CCZ1: variants seen among roughly 807,000 people sequenced by gnomAD.
The protein encoded by CCZ1 is vacuolar fusion protein CCZ1 homolog.
Under a neutral mutation model 57.8 loss-of-function variants are expected in CCZ1, and 19 were observed. The ratio of observed to expected loss-of-function variants is 0.33; its 90% CI spans 0.23 to 0.48. The LOEUF is 0.48. Ranked by LOEUF, CCZ1 falls within the 20% of genes least tolerant of loss-of-function variation. The pLI is 0.99. For missense variants in CCZ1, 200 were observed against 492.0 expected, an observed-to-expected ratio of 0.41 and a Z score of 5.61; for synonymous variants, 81 against 167.0, an observed-to-expected ratio of 0.49 and a Z score of 3.97.
intron 8 of CCZ1, 119 bp from the exon 9 acceptor site, chr7:5,911,742 G>A (rs1487966152): frequency 1.7e-6 from 2 of 1,176,086 alleles, no homozygotes; most frequent in African/African-American, 3.1e-5. Context: ...ACAAGATCCT[G>A]TCTCTAAAAG....
At position 5,904,490 on chromosome 7, in the gene CCZ1, A is replaced by G. The variant is rs1015480640; in HGVS notation, c.523-604A>G. On this transcript the variant is annotated intron_variant, in intron 6 of 14. Coordinates refer to ENST00000325974, the MANE Select transcript of CCZ1 (RefSeq NM_015622.6). ...GAGAATCACGGAGGCCAGAAGTTCA[A>G]GACCAGCCTAGGCAACATAGCAAGA... is the stretch of plus-strand genomic sequence containing the variant. Among the ~76,000 whole-genome samples the G allele has an allele frequency of 1.7e-4, 25 of 146,132 alleles. 1 individual carries two copies. Among genetic ancestry groups the G allele is most frequent in the Non-Finnish European group, 3.3e-4 (22 of 67,368 alleles).
At chr7:5,906,888 G>A (rs182305105) in intron 7 of CCZ1, among the ~76,000 whole-genome samples, 2 of 150,346 alleles carry the variant, frequency 1.3e-5, no homozygotes, top group Admixed American at 6.6e-5. Context: ...TTGTTTTTGA[G>A]ATGGAGTCGC....
chr7:5,903,976 A>G lies in CCZ1; in HGVS notation c.523-1118A>G, dbSNP rs1352341914. On this transcript the variant is annotated intron_variant, in intron 6 of 14. Transcript: ENST00000325974. The stretch of plus-strand genomic sequence containing the variant: ...ACCGCTGCACTCCAGCCTGGGTGAC[A>G]GACCAAGACTCCATCTCGGGGGGGG... 9.0e-5 allele frequency among the ~76,000 whole-genome samples: 12 copies of G among 132,762 alleles called. 1 individual carries two copies. In the Admixed American group the frequency reaches 9.6e-4, roughly 11 times the overall value. The allele number at this position is 132,762 out of a possible 152,430, so 87.1% of individuals were successfully genotyped here.
At chr7:5,901,853 T>TA (rs1781692946) in intron 5 of CCZ1, 149 bp downstream of exon 5, 1 of 626,054 alleles carries the variant, frequency 1.6e-6, no homozygotes, top group South Asian at 2.4e-5. Context: ...TTGAAACAGG[T>TA]AGTGAGGTTT....
chr7:5,899,094 G>A (rs1781616089), intron 1 of CCZ1, among the ~76,000 whole-genome samples, 175 bp downstream of exon 1: 1 of 75,996 alleles, frequency 1.3e-5, no homozygotes, highest in Non-Finnish European at 2.7e-5. Context: ...TCAGGTCCTA[G>A]GTCGATGGAA....
chr7:5,915,232 AT>A lies in CCZ1; in HGVS notation c.954+2280del, dbSNP rs1241562502. 4.7e-5 allele frequency among the ~76,000 whole-genome samples: 7 copies of A among 149,750 alleles called. No homozygotes were observed. In the East Asian group the frequency reaches 1.2e-3, roughly 25 times the overall value. Reference sequence around the variant, plus strand: ...GTGACAGACTGGCAGGGAAGGGGAGATTGCAGGAAGAGCATACAGAAAGATG... The same window carrying A: ...GTGACAGACTGGCAGGGAAGGGGAGATGCAGGAAGAGCATACAGAAAGATG... On this transcript the variant is annotated intron_variant, in intron 10 of 14. Transcript: ENST00000325974.
chr7:5,902,555 AT>A (rs1315663629), intron 5 of CCZ1, 105 bp from the exon 6 acceptor site: 1 of 1,402,964 alleles, frequency 7.1e-7, no homozygotes, highest in African/African-American at 1.5e-5. Flanking sequence ...GAACTGGGAG[AT>A]TTAATGAGCT....
rs373315876 is a variant in CCZ1, at chr7:5,902,230, C to T, written c.439-431C>T. On this transcript the variant is annotated intron_variant, in intron 5 of 14. Coordinates refer to ENST00000325974, the MANE Select transcript of CCZ1 (RefSeq NM_015622.6). The stretch of plus-strand genomic sequence containing the variant: ...GGAGGATCGCTCGCGCCTTGGAGGT[C>T]GAGGCTGCAGTGAACTGTGATTGCA... 12 of 181,482 alleles carry T rather than the reference C, an allele frequency of 6.6e-5. No homozygotes were observed. In the South Asian group the frequency reaches 7.7e-4, roughly 12 times the overall value. The allele number at this position is 181,482 out of a possible 1,614,324, so 11.2% of individuals were successfully genotyped here.
chr7:5,909,269 A>G (rs2128612218), intron 7 of CCZ1, among the ~76,000 whole-genome samples: 1 of 149,914 alleles, frequency 6.7e-6, no homozygotes, highest in South Asian at 2.2e-4. Context: ...GTTAAAGAGA[A>G]AAGCACCAGT....
In CCZ1 at chr7:5,923,890, G is replaced by GT. The variant is rs1779299282; in HGVS notation, c.1321_1322insT (p.Gly441ValfsTer5). On this transcript the variant is annotated frameshift_variant, in exon 14 of 15. Coordinates refer to ENST00000325974, the MANE Select transcript of CCZ1 (RefSeq NM_015622.6). LOFTEE classifies it high-confidence loss of function. The stretch of plus-strand genomic sequence containing the variant: ...GGCCATGAGTGATTACTGGGTTGTT[G>GT]GAAAGAAGTCTGATCGGCGGGAGCT... 1 of 1,521,640 alleles carries GT rather than the reference G, an allele frequency of 6.6e-7. No individual in the cohort carries two copies. Among genetic ancestry groups the GT allele is most frequent in the Non-Finnish European group, 9.1e-7 (1 of 1,103,748 alleles). 94.3% of individuals were successfully genotyped at this position (1,521,640 alleles called of 1,614,324 possible). A position where few individuals can be genotyped will look rare whatever the true frequency, so the allele number is the denominator to read the frequency against.
chr7:5,905,378 G>A, intron 7 of CCZ1, 109 bp downstream of exon 7: 1 of 623,142 alleles, frequency 1.6e-6, no homozygotes, highest in Non-Finnish European at 2.7e-6. Context: ...CGGGGAGGAT[G>A]GGTAGGAAGC....
In CCZ1 at chr7:5,900,338, A is replaced by G. The variant is rs1391205060; in HGVS notation, c.175A>G (p.Ile59Val). 2 of 1,572,330 alleles carry G rather than the reference A, an allele frequency of 1.3e-6. 1 individual carries two copies. The highest frequency in any genetic ancestry group is 2.8e-5 in the African/African-American group (2 of 71,998). The change falls in exon 2 of 15, where the codon ATT becomes GTT. Residue 59 changes from isoleucine (I) to valine (V), a missense_variant. Physicochemically the swap from Ile to Val is conservative, Grantham distance 29 (BLOSUM62 3). Transcript: ENST00000325974. The part of the protein sequence containing the change: ...HPNEVEKNEK[I>V]RNVGLCEAIV... Reference sequence around the variant, plus strand: ...AAATGAGGTAGAAAAGAATGAGAAGATTAGAAATGTCGGATTGTGTGAAGC... The same window carrying G: ...AAATGAGGTAGAAAAGAATGAGAAGGTTAGAAATGTCGGATTGTGTGAAGC...
At chr7:5,901,411 G>A (rs1227241445) in intron 4 of CCZ1, 2 of 442,490 alleles carry the variant, frequency 4.5e-6, no homozygotes, top group East Asian at 6.4e-5. Context: ...CTTGAACCGG[G>A]GACGCAAATG....
chr7:5,912,517 A>C (rs1198660814), intron 9 of CCZ1, among the ~76,000 whole-genome samples: 1 of 142,854 alleles, frequency 7.0e-6, no homozygotes, highest in African/African-American at 2.6e-5. Context: ...CCCCTGCCTC[A>C]GCCTCTTGAG....
chr7:5,899,329 AGGGG>A (rs879316596), intron 1 of CCZ1, among the ~76,000 whole-genome samples: 21 of 62,900 alleles, frequency 3.3e-4, no homozygotes, highest in South Asian at 1.0e-3. Flanking sequence ...TAATTTCGGG[AGGGG>A]GGTGTGTGTG....
At chr7:5,906,943 C>A (rs1424830990) in intron 7 of CCZ1, among the ~76,000 whole-genome samples, 1 of 149,374 alleles carries the variant, frequency 6.7e-6, no homozygotes, top group African/African-American at 2.5e-5. Context: ...TCTTGGCTTG[C>A]TGCAACCCCT....
chr7:5,907,387 A>T (rs569720995), intron 7 of CCZ1, among the ~76,000 whole-genome samples: 1 of 148,968 alleles, frequency 6.7e-6, no homozygotes, highest in Non-Finnish European at 1.5e-5. Flanking sequence ...ACGCAGCCAC[A>T]GCGATAGGGA....
At chr7:5,915,526 C>A (rs1583189645) in intron 10 of CCZ1, among the ~76,000 whole-genome samples, 1 of 147,986 alleles carries the variant, frequency 6.8e-6, no homozygotes, top group Non-Finnish European at 1.5e-5. Context: ...AGGGTCCTTA[C>A]CTTTTTCTTA....
Position 5,906,310 on chromosome 7 carries a change from ACTTT to A in CCZ1, c.698+1054_698+1057del, listed in dbSNP as rs1474123835. Among the ~76,000 whole-genome samples, 49 of 129,930 alleles carry A rather than the reference ACTTT, an allele frequency of 3.8e-4. 4 individuals carry two copies. The East Asian group carries it at 9.5e-3, about 25-fold the overall frequency. The allele number at this position is 129,930 out of a possible 152,430, so 85.2% of individuals were successfully genotyped here. ...TTTATGTTCCCGTTGACTAGAGCCC[ACTTT>A]CTTTCTTTCTTTTTTTTTTTTTTTT... On this transcript the variant is annotated intron_variant, in intron 7 of 14. Coordinates refer to ENST00000325974, the MANE Select transcript of CCZ1 (RefSeq NM_015622.6).
Sources: gnomAD v4.1 joint callset for allele counts (sites outside exome capture counted in the v4.1 genomes callset) on GRCh38, gnomAD v4.1.1 for gene constraint, MANE v1.5 for transcripts, NCBI Gene and HGNC (gene_info 2026-07-23, HGNC 2026-07-21) for gene names.